Variants in CDK5RAP1 observed in about 807,000 individuals in gnomAD.
The protein encoded by CDK5RAP1 is mitochondrial tRNA methylthiotransferase CDK5RAP1.
In CDK5RAP1, 62 loss-of-function variants were observed where a neutral mutation model predicts 64.5. That is an observed-to-expected ratio of 0.96 (90% CI 0.78 to 1.19). CDK5RAP1 has a LOEUF of 1.19. CDK5RAP1 is among the 50% of genes most tolerant of loss of function. The pLI is 0.00. For missense variants in CDK5RAP1, 657 were observed against 735.0 expected (o/e 0.89, Z 1.23); for synonymous variants, 250 against 261.9 (o/e 0.95, Z 0.44).
chr20:33,380,683 C>G (rs966034797), intron 7 of CDK5RAP1, among the ~76,000 whole-genome samples: 2 of 152,064 alleles, frequency 1.3e-5, no homozygotes, highest in Non-Finnish European at 2.9e-5. Context: ...TTCTATTATA[C>G]TAGTCTTTCT....
intron 6 of CDK5RAP1, among the ~76,000 whole-genome samples, chr20:33,386,819 A>G (rs1032384654): frequency 6.6e-6 from 1 of 151,792 alleles, no homozygotes; most frequent in Non-Finnish European, 1.5e-5. Context: ...GAGACTTAGC[A>G]GGCTATAGTC....
At chr20:33,395,723 A>G (rs765416521) in intron 2 of CDK5RAP1, among the ~76,000 whole-genome samples, 17 of 152,224 alleles carry the variant, frequency 1.1e-4, no homozygotes, top group Non-Finnish European at 2.4e-4. Context: ...TTAGAAAAGG[A>G]AGGACTAGGC....
chr20:33,360,204 C>T (rs1031739263), intron 13 of CDK5RAP1, 147 bp downstream of exon 13: 1 of 681,798 alleles, frequency 1.5e-6, no homozygotes, highest in African/African-American at 1.8e-5. Flanking sequence ...GTCTAAAATC[C>T]AATCCAAAGT....
intron 10 of CDK5RAP1, 118 bp from the exon 11 acceptor site, chr20:33,370,747 T>C (rs1984870722): frequency 1.1e-5 from 11 of 1,026,870 alleles, no homozygotes; most frequent in Non-Finnish European, 1.5e-5. Flanking sequence ...CCTAGGACTA[T>C]TCATAAGTAA....
chr20:33,373,149 C>CATGTGTGTGT, intron 9 of CDK5RAP1: 1 of 139,838 alleles, frequency 7.2e-6, no homozygotes, highest in Non-Finnish European at 1.5e-5. Context: ...CCATGTTGCC[C>CATGTGTGTGT]GTGTGTGTGT....
chr20:33,385,545 C>A, intron 7 of CDK5RAP1, 105 bp downstream of exon 7: 1 of 1,370,674 alleles, frequency 7.3e-7, no homozygotes, highest in South Asian at 1.4e-5. Flanking sequence ...CAGGCATGGT[C>A]CTAAACTTTA....
At chr20:33,389,559 G>A (rs1360862845) in intron 5 of CDK5RAP1, among the ~76,000 whole-genome samples, 3 of 148,540 alleles carry the variant, frequency 2.0e-5, no homozygotes, top group East Asian at 2.1e-4. Context: ...GCCCCCGCCC[G>A]GCCAGCCGCC....
At chr20:33,398,617 G>A (rs1221934985) in intron 1 of CDK5RAP1, among the ~76,000 whole-genome samples, 2 of 151,986 alleles carry the variant, frequency 1.3e-5, no homozygotes, top group Admixed American at 6.6e-5. Context: ...AATGAAACAA[G>A]ATACAACTGT....
intron 10 of CDK5RAP1, among the ~76,000 whole-genome samples, chr20:33,371,820 A>G (rs1985062488): frequency 6.6e-6 from 1 of 152,170 alleles, no homozygotes; most frequent in Admixed American, 6.5e-5. Flanking sequence ...TTGAGGAAAA[A>G]TGTATACACC....
intron 12 of CDK5RAP1, among the ~76,000 whole-genome samples, chr20:33,366,472 C>T (rs1002656538): frequency 2.7e-5 from 4 of 150,644 alleles, no homozygotes; most frequent in African/African-American, 9.8e-5. Flanking sequence ...ATTAGCCAGG[C>T]ATGGTGACAC....
rs1344530155 is a variant in CDK5RAP1, at chr20:33,396,765, T to C, written c.300A>G (p.Arg100=). The part of the protein sequence containing the change: ...LMMDELLGRQ[R]KVYLETYGCQ... ...GATAAGCGAAGTAAAACCAACCTTT[T>C]CTCTGCCTTCCAAGAAGTTCATCCA... is the stretch of plus-strand genomic sequence containing the variant. Residue 100 remains arginine, a synonymous_variant, in exon 2 of 14, where the codon AGA becomes AGG. Transcript: ENST00000346416. The C allele has an allele frequency of 4.3e-6, 7 of 1,611,650 alleles. No individual in the cohort carries two copies. The African/African-American group carries it at 6.7e-5, about 15-fold the overall frequency.
chr20:33,388,529 T>TCTCCCCCTCTCCCTCTCCCC (rs1987764157), intron 5 of CDK5RAP1, among the ~76,000 whole-genome samples: 1 of 78,552 alleles, frequency 1.3e-5, no homozygotes, highest in Non-Finnish European at 2.4e-5. Context: ...TCCCTCTCCC[T>TCTCCCCCTCTCCCTCTCCCC]CTCCCCCTCT....
At chr20:33,374,905 C>T (rs1985734062) in intron 8 of CDK5RAP1, among the ~76,000 whole-genome samples, 1 of 151,726 alleles carries the variant, frequency 6.6e-6, no homozygotes, top group Non-Finnish European at 1.5e-5. Context: ...TGGCTCACCT[C>T]TGTAATCCCA....
At chr20:33,370,399 G>C in intron 11 of CDK5RAP1, 100 bp downstream of exon 11, 1 of 1,250,254 alleles carries the variant, frequency 8.0e-7, no homozygotes, top group East Asian at 2.3e-5. Context: ...GTTTCTCAAG[G>C]ACTGCCTTGC....
At chr20:33,375,520 A>G (rs933928802) in intron 8 of CDK5RAP1, among the ~76,000 whole-genome samples, 3 of 152,196 alleles carry the variant, frequency 2.0e-5, no homozygotes, top group Non-Finnish European at 2.9e-5. Flanking sequence ...AAGGATATGT[A>G]AAGAACTTTT....
At chr20:33,382,532 T>C (rs1385279536) in intron 7 of CDK5RAP1, among the ~76,000 whole-genome samples, 3 of 151,838 alleles carry the variant, frequency 2.0e-5, no homozygotes, top group African/African-American at 4.8e-5. Context: ...AATACAAAAA[T>C]GAGCTAAGTA....
intron 1 of CDK5RAP1, among the ~76,000 whole-genome samples, chr20:33,398,200 A>C (rs1600819080): frequency 6.6e-6 from 1 of 152,282 alleles, no homozygotes; most frequent in East Asian, 1.9e-4. Context: ...ACCTATGTAT[A>C]AAGACATTCA....
intron 12 of CDK5RAP1, among the ~76,000 whole-genome samples, chr20:33,365,297 A>C (rs1227788632): frequency 6.6e-6 from 1 of 151,526 alleles, no homozygotes; most frequent in Non-Finnish European, 1.5e-5. Context: ...TTTGAAACAG[A>C]GTCTCACTCT....
chr20:33,389,375 C>G (rs955402563), intron 5 of CDK5RAP1, among the ~76,000 whole-genome samples: 1 of 150,288 alleles, frequency 6.7e-6, no homozygotes, highest in African/African-American at 2.5e-5. Context: ...AAGTGAGGAG[C>G]CCCTCCGCGC....
Sources: gnomAD v4.1 joint callset for allele counts (sites outside exome capture counted in the v4.1 genomes callset) on GRCh38, gnomAD v4.1.1 for gene constraint, MANE v1.5 for transcripts, NCBI Gene and HGNC (gene_info 2026-07-23, HGNC 2026-07-21) for gene names.